The following FZR1 variants were observed in gnomAD, a reference collection of about 807,000 sequenced individuals.
The protein encoded by FZR1 is fizzy and cell division cycle 20 related 1.
A neutral mutation model predicts 63.6 loss-of-function variants in FZR1; 11 were observed. The ratio of observed to expected loss-of-function variants is 0.17; its 90% CI spans 0.11 to 0.29. FZR1 has a LOEUF of 0.29. Ranked by LOEUF, FZR1 falls within the 10% of genes least tolerant of loss-of-function variation. The probability of loss-of-function intolerance (pLI) is 1.00; values close to 1 mark genes in which losing one functional copy is unlikely to be tolerated. For synonymous variants in FZR1, 328 were observed against 297.9 expected (o/e 1.10, Z -1.04); for missense variants, 440 against 687.5 (o/e 0.64, Z 4.03).
chr19:3,513,950 A>G (rs1432302845), intron 1 of FZR1, among the ~76,000 whole-genome samples: 1 of 152,202 alleles, frequency 6.6e-6, no homozygotes. Flanking sequence ...TGTCCGTTAA[A>G]GAGCCTGAAA....
intron 10 of FZR1, 133 bp from the exon 11 acceptor site, chr19:3,532,284 C>T: frequency 1.2e-6 from 1 of 848,708 alleles, no homozygotes; most frequent in Non-Finnish European, 1.8e-6. Context: ...GAGTGTGTGC[C>T]CCCAGGGGTC....
At chr19:3,511,150 G>A (rs1035402502) in intron 1 of FZR1, among the ~76,000 whole-genome samples, 6 of 152,262 alleles carry the variant, frequency 3.9e-5, no homozygotes, top group African/African-American at 1.4e-4. Flanking sequence ...CTTTTGTGCT[G>A]CCGCAGACCC....
intron 2 of FZR1, among the ~76,000 whole-genome samples, chr19:3,524,666 G>A (rs2121957005): frequency 6.6e-6 from 1 of 152,272 alleles, no homozygotes; most frequent in Admixed American, 6.5e-5. Context: ...GGGGTCCGGA[G>A]TCGGAGGTCA....
intron 13 of FZR1, 105 bp downstream of exon 13, chr19:3,534,618 T>TTCCGAGCTTCCCTCACC: frequency 1.1e-6 from 1 of 918,302 alleles, no homozygotes; most frequent in Non-Finnish European, 1.7e-6. Flanking sequence ...GTTCCCCCAC[T>TTCCGAGCTTCCCTCACC]TCCGAGCTTC....
In FZR1 at chr19:3,525,032, G is replaced by A. The variant is rs1426070314; in HGVS notation, c.70-836G>A. The stretch of plus-strand genomic sequence containing the variant: ...ACCCCTCATAGAAAAAAGACGGCGC[G>A]GGGACAGTCAGATGGGGTTGGAGGG... On this transcript the variant is annotated intron_variant, in intron 2 of 13. Transcript: ENST00000441788. The surrounding 1 kb of genome is among the most constrained non-coding windows in gnomAD (Gnocchi z 4.2). Among the ~76,000 whole-genome samples the A allele has an allele frequency of 3.9e-5, 6 of 152,140 alleles. No homozygotes were observed. Among genetic ancestry groups the A allele is most frequent in the African/African-American group, 7.2e-5 (3 of 41,424 alleles).
intron 1 of FZR1, 55 bp from the exon 2 acceptor site, chr19:3,522,901 G>A (rs1025947503): frequency 1.6e-5 from 14 of 896,898 alleles, no homozygotes; most frequent in South Asian, 5.2e-5. Flanking sequence ...CGAGCCCCGT[G>A]GTCTCCGGGC....
chr19:3,530,614 G>A (rs1189601344), intron 7 of FZR1, among the ~76,000 whole-genome samples, 178 bp from the exon 8 acceptor site: 1 of 151,910 alleles, frequency 6.6e-6, no homozygotes, highest in East Asian at 1.9e-4. Flanking sequence ...GAGTGGATGG[G>A]AGAGCAGATG....
At position 3,535,846 on chromosome 19, in the gene FZR1, A is replaced by G. The variant is rs560154437; in HGVS notation, c.*1010A>G. On this transcript the variant is annotated 3_prime_UTR_variant, in exon 14 of 14. Coordinates refer to ENST00000441788, the MANE Select transcript of FZR1 (RefSeq NM_016263.4). ...GCCAACAGCCGTGGGGAAGCCAAGG[A>G]GACCCAAGGGGTCCAGGAGGTGGGC... 1 of 152,480 alleles carries G rather than the reference A, an allele frequency of 6.6e-6. No homozygotes were observed. The highest frequency in any genetic ancestry group is 1.9e-4 in the East Asian group (1 of 5,192). 9.4% of individuals were successfully genotyped at this position (152,480 alleles called of 1,614,324 possible).
chr19:3,510,031 A>G (rs1361477223), intron 1 of FZR1, among the ~76,000 whole-genome samples: 3 of 151,878 alleles, frequency 2.0e-5, no homozygotes, highest in African/African-American at 7.3e-5. Flanking sequence ...CCGTGAGCCC[A>G]GCTCTAGAGA....
At chr19:3,508,204 T>TC (rs1555690869) in intron 1 of FZR1, among the ~76,000 whole-genome samples, 13 of 142,670 alleles carry the variant, frequency 9.1e-5, no homozygotes, top group African/African-American at 2.9e-4. Flanking sequence ...GATTTTCTTT[T>TC]TTTTTTTTTT....
Position 3,535,922 on chromosome 19 carries a change from T to C in FZR1, c.*1086T>C, listed in dbSNP as rs768918177. 2 of 152,300 alleles carry C rather than the reference T, an allele frequency of 1.3e-5. No homozygotes were observed. Among genetic ancestry groups the C allele is most frequent in the African/African-American group, 2.4e-5 (1 of 41,440 alleles). 9.4% of individuals were successfully genotyped at this position (152,300 alleles called of 1,614,324 possible). A position where few individuals can be genotyped will look rare whatever the true frequency, so the allele number is the denominator to read the frequency against. ...CAGGCTCCTCTGCTTCTCTGTCTCA[T>C]GCTCCCAGGCTGCACAGCAGGCAGG... On this transcript the variant is annotated 3_prime_UTR_variant, in exon 14 of 14. Transcript: ENST00000441788.
In FZR1 at chr19:3,526,707, G is replaced by C. The variant is rs566610324; in HGVS notation, c.388-273G>C. Among the ~76,000 whole-genome samples the C allele has an allele frequency of 6.6e-6, 1 of 151,888 alleles. No homozygotes were observed. Among genetic ancestry groups the C allele is most frequent in the African/African-American group, 2.4e-5 (1 of 41,568 alleles). Reference sequence around the variant, plus strand: ...TCCTGCCCGTAGGGGGCAGTACTGGGTCCTCCCACAGGGCCCCACTCTGTC... The same window carrying C: ...TCCTGCCCGTAGGGGGCAGTACTGGCTCCTCCCACAGGGCCCCACTCTGTC... On this transcript the variant is annotated intron_variant, in intron 5 of 13. Transcript: ENST00000441788. The surrounding 1 kb of genome is among the most constrained non-coding windows in gnomAD (Gnocchi z 5.4).
intron 11 of FZR1, 63 bp downstream of exon 11, chr19:3,532,713 C>T: frequency 8.8e-7 from 1 of 1,139,082 alleles, no homozygotes; most frequent in Non-Finnish European, 1.3e-6. Context: ...GGCCCCTTAC[C>T]TGCCACCTGA....
At chr19:3,522,134 T>C (rs10417370) in intron 1 of FZR1, among the ~76,000 whole-genome samples, 86,664 of 152,122 alleles carry the variant, frequency 0.57, 26,375 homozygotes, top group East Asian at 0.85. Context: ...CGGCAGCCTG[T>C]ACATGGCCTT....
At position 3,534,957 on chromosome 19, in the gene FZR1, G is replaced by C. The variant is rs2083282344; in HGVS notation, c.*121G>C. 3.8e-6 allele frequency: 3 copies of C among 794,710 alleles called. No individual in the cohort carries two copies. Among genetic ancestry groups the C allele is most frequent in the Admixed American group, 3.8e-5 (2 of 52,356 alleles). The allele number at this position is 794,710 out of a possible 1,614,324, so 49.2% of individuals were successfully genotyped here. A position where few individuals can be genotyped will look rare whatever the true frequency, so the allele number is the denominator to read the frequency against. On this transcript the variant is annotated 3_prime_UTR_variant, in exon 14 of 14. Coordinates refer to ENST00000441788, the MANE Select transcript of FZR1 (RefSeq NM_016263.4). ...CCGAGGAAGGCGGCTGGGCGGGCGG[G>C]GAGCTGGGCCTGGAGGATCCTGGAG...
At position 3,525,341 on chromosome 19, in the gene FZR1, G is replaced by A. The variant is rs975993361; in HGVS notation, c.70-527G>A. Reference sequence around the variant, plus strand: ...CAGCGTTGGGAGGCTGAGCCTGCCCGTGGGCCTGGCATCTCCCGGAGGCTT... The same window carrying A: ...CAGCGTTGGGAGGCTGAGCCTGCCCATGGGCCTGGCATCTCCCGGAGGCTT... On this transcript the variant is annotated intron_variant, in intron 2 of 13. Coordinates refer to ENST00000441788, the MANE Select transcript of FZR1 (RefSeq NM_016263.4). The surrounding 1 kb of genome is among the most constrained non-coding windows in gnomAD (Gnocchi z 4.2). 6.6e-5 allele frequency among the ~76,000 whole-genome samples: 10 copies of A among 151,962 alleles called. No individual in the cohort carries two copies. Among genetic ancestry groups the A allele is most frequent in the African/African-American group, 2.2e-4 (9 of 41,370 alleles).
In FZR1 at chr19:3,514,399, G is replaced by A. The variant is rs1487811155; in HGVS notation, c.-35+7925G>A. On this transcript the variant is annotated intron_variant, in intron 1 of 13. Coordinates refer to ENST00000441788, the MANE Select transcript of FZR1 (RefSeq NM_016263.4). The surrounding 1 kb of genome is among the most constrained non-coding windows in gnomAD (Gnocchi z 4.2). ...CATTGGGGCCGGATCGTTCTCTGGG[G>A]TGCGGCCGTCCTGGGCACTACAGGG... Among the ~76,000 whole-genome samples, 1 of 152,168 alleles carries A rather than the reference G, an allele frequency of 6.6e-6. No individual in the cohort carries two copies. The highest frequency in any genetic ancestry group is 6.5e-5 in the Admixed American group (1 of 15,278).
intron 6 of FZR1, among the ~76,000 whole-genome samples, chr19:3,527,369 G>A (rs951251898): frequency 3.3e-5 from 5 of 152,214 alleles, no homozygotes; most frequent in Admixed American, 6.5e-5. Flanking sequence ...CAGACAAGGG[G>A]CAGGGTAGTC....
intron 2 of FZR1, among the ~76,000 whole-genome samples, chr19:3,523,607 C>T (rs2083123855): frequency 6.6e-6 from 1 of 152,246 alleles, no homozygotes; most frequent in African/African-American, 2.4e-5. Flanking sequence ...TTGCTGTCTA[C>T]ACAACATGAA....
Sources: allele counts gnomAD v4.1 joint callset (sites outside exome capture counted in the v4.1 genomes callset), GRCh38; gene constraint gnomAD v4.1.1; non-coding constraint Gnocchi (gnomAD v3.1); transcripts MANE v1.5; gene names NCBI Gene and HGNC (gene_info 2026-07-23, HGNC 2026-07-21).